CEP350: variants seen among roughly 807,000 people sequenced by gnomAD.
The protein encoded by CEP350 is centrosome-associated protein 350.
A neutral mutation model predicts 331.8 loss-of-function variants in CEP350; 126 were observed. That is an observed-to-expected ratio of 0.38 (90% CI 0.33 to 0.44). The LOEUF is 0.44. Ranked by LOEUF, CEP350 falls within the 20% of genes least tolerant of loss-of-function variation. CEP350 has a pLI of 1.00. For synonymous variants in CEP350, 1,200 were observed against 1,259.5 expected, an observed-to-expected ratio of 0.95 and a Z score of 1.00; for missense variants, 3,406 against 3,634.6, an observed-to-expected ratio of 0.94 and a Z score of 1.62.
At position 180,001,378 on chromosome 1, in the gene CEP350, C is replaced by T. The variant is rs1197393681; in HGVS notation, c.1019-1796C>T. On this transcript the variant is annotated intron_variant, in intron 6 of 37. Transcript: ENST00000367607. ...GGTTCAAGTGATTCTCGTGCCTCAG[C>T]CTAAAGAGTAGCTGGGATTACAGGC... 3.3e-5 allele frequency among the ~76,000 whole-genome samples: 5 copies of T among 152,212 alleles called. No homozygotes were observed. In the East Asian group the frequency reaches 9.7e-4, roughly 29 times the overall value.
At chr1:179,996,477 A>C in intron 5 of CEP350, 76 bp from the exon 6 acceptor site, 2 of 1,090,244 alleles carry the variant, frequency 1.8e-6, no homozygotes, top group African/African-American at 1.6e-5. Flanking sequence ...GAACACTTAA[A>C]ATCTACTCTT....
intron 22 of CEP350, among the ~76,000 whole-genome samples, chr1:180,048,914 T>G (rs531937484): frequency 6.6e-6 from 1 of 152,060 alleles, no homozygotes; most frequent in African/African-American, 2.4e-5. Context: ...TACAAAAAAA[T>G]TAAAAATTAG....
chr1:180,059,768 A>C (rs780997416), intron 25 of CEP350, among the ~76,000 whole-genome samples: 17 of 152,188 alleles, frequency 1.1e-4, no homozygotes, highest in Non-Finnish European at 1.3e-4. Context: ...ATAACTGACA[A>C]TATATGTTGC....
chr1:179,963,551 T>G (rs1054095577), intron 1 of CEP350, among the ~76,000 whole-genome samples: 1 of 151,888 alleles, frequency 6.6e-6, no homozygotes, highest in Non-Finnish European at 1.5e-5. Flanking sequence ...TTTTTGTGTG[T>G]TTTTTGGGTT....
In CEP350 at chr1:180,044,043, A is replaced by G. The variant is rs1159902814; in HGVS notation, c.4500-8A>G. 4 of 1,518,242 alleles carry G rather than the reference A, an allele frequency of 2.6e-6. No homozygotes were observed. Among genetic ancestry groups the G allele is most frequent in the Non-Finnish European group, 2.6e-6 (3 of 1,138,158 alleles). The allele number at this position is 1,518,242 out of a possible 1,614,324, so 94.0% of individuals were successfully genotyped here. ...TGAATGTTTAATCAGTTTTTATTTT[A>G]TTTGTAGGAAAAGTCCATCTGTTTC... On this transcript the variant is annotated splice_region_variant and splice_polypyrimidine_tract_variant and intron_variant, in intron 20 of 37. Coordinates refer to ENST00000367607, the MANE Select transcript of CEP350 (RefSeq NM_014810.5).
At chr1:180,069,347 T>G (rs1162013738) in intron 27 of CEP350, among the ~76,000 whole-genome samples, 1 of 152,216 alleles carries the variant, frequency 6.6e-6, no homozygotes, top group Non-Finnish European at 1.5e-5. Flanking sequence ...GTCTGATCAA[T>G]GTCGAAATCT....
At chr1:180,105,928 A>AT (rs1205687813) in intron 37 of CEP350, among the ~76,000 whole-genome samples, 1 of 152,174 alleles carries the variant, frequency 6.6e-6, no homozygotes, top group African/African-American at 2.4e-5. Flanking sequence ...AATGCAAATA[A>AT]TTTTTTAGAC....
intron 17 of CEP350, among the ~76,000 whole-genome samples, chr1:180,038,671 C>A (rs768675335): frequency 3.3e-5 from 5 of 152,056 alleles, no homozygotes; most frequent in Non-Finnish European, 7.4e-5. Flanking sequence ...ATTGAGCATT[C>A]TTTTGTGAAT....
Position 180,065,260 on chromosome 1 carries a change from G to T in CEP350, c.5555G>T (p.Arg1852Leu), listed in dbSNP as rs761924454. 1 of 1,607,494 alleles carries T rather than the reference G, an allele frequency of 6.2e-7. No homozygotes were observed. ...IMQKLKKMRS[R>L]MDEKFLTKRE... ...CAGAAACTGAAGAAAATGAGAAGCC[G>T]CATGGATGAAAAGTATTTGTTTTTT... is the stretch of plus-strand genomic sequence containing the variant. Residue 1852 changes from arginine (R) to leucine (L), a missense_variant, in exon 27 of 38, where the codon CGC becomes CTC. Arg to Leu is a moderately radical substitution (Grantham distance 102). Coordinates refer to ENST00000367607, the MANE Select transcript of CEP350 (RefSeq NM_014810.5).
intron 14 of CEP350, among the ~76,000 whole-genome samples, chr1:180,030,144 T>A (rs546792894): frequency 3.1e-4 from 47 of 151,182 alleles, no homozygotes; most frequent in African/African-American, 1.0e-3. Flanking sequence ...GGGTATTTTT[T>A]ATTTCACTTT....
At chr1:180,060,956 G>T (rs1307110711) in intron 25 of CEP350, among the ~76,000 whole-genome samples, 1 of 152,002 alleles carries the variant, frequency 6.6e-6, no homozygotes, top group Non-Finnish European at 1.5e-5. Context: ...AGGAGTTGGG[G>T]CACAAGATTG....
Position 180,053,843 on chromosome 1 carries a change from G to T in CEP350, c.5083G>T (p.Ala1695Ser). ...RQYMKEEEMR[A>S]AHQSSLLRLR... ...GTATATGAAAGAGGAAGAAATGAGG[G>T]CAGCTCACCAGTCTTCACTCCTGCG... Residue 1695 changes from alanine (A) to serine (S), a missense_variant, in exon 24 of 38, where the codon GCA becomes TCA. Ala to Ser is a moderately conservative substitution (Grantham distance 99). This residue lies in a region of CEP350 where 104 missense variants were observed against 143.3 expected (regional missense o/e 0.73). Transcript: ENST00000367607. 6.2e-7 allele frequency: 1 copy of T among 1,611,876 alleles called. No homozygotes were observed. Among genetic ancestry groups the T allele is most frequent in the East Asian group, 2.2e-5 (1 of 44,870 alleles).
intron 6 of CEP350, among the ~76,000 whole-genome samples, chr1:180,000,116 A>G (rs757589200): frequency 2.6e-5 from 4 of 152,210 alleles, no homozygotes; most frequent in Non-Finnish European, 4.4e-5. Flanking sequence ...GTGGACAAAG[A>G]AATGGAAATA....
At chr1:179,961,026 CA>C (rs2148533546) in intron 1 of CEP350, among the ~76,000 whole-genome samples, 1 of 151,984 alleles carries the variant, frequency 6.6e-6, no homozygotes, top group East Asian at 1.9e-4. Flanking sequence ...TCTGTGCTCC[CA>C]AAGGTTGATT....
intron 37 of CEP350, among the ~76,000 whole-genome samples, chr1:180,101,729 A>G (rs980311318): frequency 6.6e-6 from 1 of 152,182 alleles, no homozygotes; most frequent in South Asian, 2.1e-4. Context: ...CTTCTGATGG[A>G]CTAGCTTCAA....
At chr1:179,955,405 T>C (rs895773093) in intron 1 of CEP350, among the ~76,000 whole-genome samples, 1 of 152,160 alleles carries the variant, frequency 6.6e-6, no homozygotes, top group Non-Finnish European at 1.5e-5. Flanking sequence ...CCACCCCTCC[T>C]CTAGCCTGCA....
At chr1:179,986,115 A>G (rs758585470) in intron 1 of CEP350, 54 bp from the exon 2 acceptor site, 273 of 1,354,002 alleles carry the variant, frequency 2.0e-4, no homozygotes, top group Non-Finnish European at 2.7e-4. Flanking sequence ...TTATTTTTCT[A>G]AGGAAAAGTA....
At chr1:180,061,186 C>CATTG (rs145891471) in intron 25 of CEP350, among the ~76,000 whole-genome samples, 96,607 of 150,462 alleles carry the variant, frequency 0.64, 32,802 homozygotes, top group Non-Finnish European at 0.74. Context: ...GATAAGAAAA[C>CATTG]ATTGATTGAT....
intron 16 of CEP350, among the ~76,000 whole-genome samples, chr1:180,034,406 A>G (rs1656214077): frequency 1.3e-5 from 2 of 152,006 alleles, no homozygotes; most frequent in African/African-American, 2.4e-5. Context: ...AGTACATTGT[A>G]TAGGCATACC....
Sources: gnomAD v4.1 joint callset for allele counts (sites outside exome capture counted in the v4.1 genomes callset) on GRCh38, gnomAD v4.1.1 for gene constraint, gnomAD v4.1.1 regional missense constraint, MANE v1.5 for transcripts, NCBI Gene and HGNC (gene_info 2026-07-23, HGNC 2026-07-21) for gene names.